SYT1: variants seen among roughly 807,000 people sequenced by gnomAD.
SYT1 encodes synaptotagmin-1.
SYT1 carries 8 observed loss-of-function variants against 44.8 expected under a neutral mutation model. The ratio of observed to expected loss-of-function variants is 0.18; its 90% confidence interval spans 0.10 to 0.32. The LOEUF is 0.32. Ranked by LOEUF, SYT1 falls within the 10% of genes least tolerant of loss-of-function variation. The probability of loss-of-function intolerance (pLI) is 1.00; values close to 1 mark genes in which losing one functional copy is unlikely to be tolerated. For synonymous variants in SYT1, 154 were observed against 188.8 expected (o/e 0.82, Z 1.51); for missense variants, 286 against 509.3 (o/e 0.56, Z 4.22).
At chr12:79,401,166 A>G (rs977825489) in intron 9 of SYT1, among the ~76,000 whole-genome samples, 1 of 152,206 alleles carries the variant, frequency 6.6e-6, no homozygotes, top group African/African-American at 2.4e-5. Context: ...AATACTGGTG[A>G]CAAAGTTGAA....
At chr12:79,096,579 G>A (rs999546714) in intron 3 of SYT1, among the ~76,000 whole-genome samples, 2 of 151,990 alleles carry the variant, frequency 1.3e-5, no homozygotes, top group South Asian at 4.1e-4. Context: ...GTTGAACCTT[G>A]AAGGATGAGA....
intron 3 of SYT1, among the ~76,000 whole-genome samples, chr12:79,120,093 CT>C (rs1049273206): frequency 2.7e-4 from 41 of 152,102 alleles, no homozygotes; most frequent in Admixed American, 1.3e-3. Context: ...TGTTCTGCTG[CT>C]TGTGGGCAAT....
chr12:79,019,195 G>A lies in SYT1; in HGVS notation c.-83-28102G>A, dbSNP rs140506509. On this transcript the variant is annotated intron_variant, in intron 2 of 10. Transcript: ENST00000261205. ...CTGACAATCTAATGGAGAGAGAGAA[G>A]TATTGTCAAATAAAGACAGTAAAAT... Among the ~76,000 whole-genome samples the A allele has an allele frequency of 6.0e-3, 906 of 152,086 alleles. 10 individuals are homozygous for A. The highest frequency in any genetic ancestry group is 0.045 in the South Asian group (216 of 4,820).
intron 3 of SYT1, among the ~76,000 whole-genome samples, chr12:79,206,630 C>A (rs946199050): frequency 1.1e-4 from 17 of 152,292 alleles, no homozygotes; most frequent in African/African-American, 4.1e-4. Flanking sequence ...GATGGGATCC[C>A]ACATCACTCA....
At chr12:79,404,516 G>A (rs1350777834) in intron 9 of SYT1, among the ~76,000 whole-genome samples, 3 of 152,092 alleles carry the variant, frequency 2.0e-5, no homozygotes, top group Admixed American at 2.0e-4. Flanking sequence ...AGTCTTGCTG[G>A]ATGGTCAGAT....
At chr12:79,416,467 A>G (rs961385437) in intron 9 of SYT1, among the ~76,000 whole-genome samples, 1 of 152,226 alleles carries the variant, frequency 6.6e-6, no homozygotes, top group African/African-American at 2.4e-5. Context: ...TTCTAAATAG[A>G]GTTTAGGTTT....
intron 3 of SYT1, among the ~76,000 whole-genome samples, chr12:79,160,335 A>T (rs1870871301): frequency 6.6e-6 from 1 of 152,142 alleles, no homozygotes; most frequent in Non-Finnish European, 1.5e-5. Context: ...TAGCTCAGAA[A>T]AGAAGATAGA....
intron 9 of SYT1, among the ~76,000 whole-genome samples, chr12:79,377,612 T>G (rs1389082865): frequency 6.6e-6 from 1 of 152,236 alleles, no homozygotes; most frequent in East Asian, 1.9e-4. Context: ...AGAGAATATA[T>G]CTGCATCCTG....
chr12:78,880,220 T>C (rs1485894534), intron 1 of SYT1, among the ~76,000 whole-genome samples: 1 of 151,706 alleles, frequency 6.6e-6, no homozygotes, highest in Non-Finnish European at 1.5e-5. Flanking sequence ...TAGTAATTAG[T>C]CATTACATTG....
chr12:78,970,952 C>G (rs1868359657), intron 1 of SYT1, among the ~76,000 whole-genome samples: 1 of 152,076 alleles, frequency 6.6e-6, no homozygotes, highest in Admixed American at 6.6e-5. Flanking sequence ...AGCTCAAGAC[C>G]AGCCTGGCCA....
chr12:78,883,709 A>C (rs1201049024), intron 1 of SYT1, among the ~76,000 whole-genome samples: 4 of 151,716 alleles, frequency 2.6e-5, no homozygotes, highest in Non-Finnish European at 4.4e-5. Context: ...TGAAACAGAT[A>C]ATCATTCTTG....
rs554139370 is a variant in SYT1, at chr12:79,081,375, C to T, written c.-18+34013C>T. On this transcript the variant is annotated intron_variant, in intron 3 of 10. Coordinates refer to ENST00000261205, the MANE Select transcript of SYT1 (RefSeq NM_005639.3). ...GAATCTGAGACACTGTTATGTCACA[C>T]AAATTCACTTTTTTTTTTTTTTTTG... 5.3e-5 allele frequency among the ~76,000 whole-genome samples: 8 copies of T among 150,602 alleles called. No individual in the cohort carries two copies. The South Asian group carries it at 1.5e-3, about 28-fold the overall frequency.
At chr12:79,245,663 T>C (rs1337584628) in intron 4 of SYT1, among the ~76,000 whole-genome samples, 1 of 152,102 alleles carries the variant, frequency 6.6e-6, no homozygotes. Flanking sequence ...CAAAGCAAGC[T>C]GTTCTGGGGA....
intron 3 of SYT1, among the ~76,000 whole-genome samples, chr12:79,165,147 T>C (rs1871158608): frequency 6.6e-6 from 1 of 152,016 alleles, no homozygotes; most frequent in African/African-American, 2.4e-5. Flanking sequence ...AAGTATCAGC[T>C]AAGCTCATTT....
At chr12:79,014,609 T>C (rs867174283) in intron 2 of SYT1, among the ~76,000 whole-genome samples, 1 of 152,226 alleles carries the variant, frequency 6.6e-6, no homozygotes, top group Middle Eastern at 3.4e-3. Context: ...TTTACACTGT[T>C]GGTGGGACTG....
chr12:79,434,085 A>G (rs1869950308), intron 9 of SYT1, among the ~76,000 whole-genome samples: 1 of 152,228 alleles, frequency 6.6e-6, no homozygotes, highest in African/African-American at 2.4e-5. Context: ...TTTTCATTTA[A>G]TTCATAATAA....
At chr12:79,221,491 A>G (rs894341131) in intron 4 of SYT1, among the ~76,000 whole-genome samples, 1 of 152,018 alleles carries the variant, frequency 6.6e-6, no homozygotes, top group Non-Finnish European at 1.5e-5. Flanking sequence ...CTTTTCTCCC[A>G]TGCTGTCTTC....
At chr12:79,384,064 C>T (rs7308297) in intron 9 of SYT1, among the ~76,000 whole-genome samples, 84,875 of 151,936 alleles carry the variant, frequency 0.56, 26,409 homozygotes, top group Non-Finnish European at 0.7. Flanking sequence ...GAGGTGATCA[C>T]GTTAATCTGG....
intron 8 of SYT1, among the ~76,000 whole-genome samples, chr12:79,348,963 GAAAGAA>G (rs1376844667): frequency 7.2e-6 from 1 of 138,572 alleles, no homozygotes; most frequent in Non-Finnish European, 1.6e-5. Flanking sequence ...AAAAAGAAAA[GAAAGAA>G]AAAGAAAGAG....
Sources: allele counts gnomAD v4.1 joint callset (sites outside exome capture counted in the v4.1 genomes callset), GRCh38; gene constraint gnomAD v4.1.1; transcripts MANE v1.5; gene names NCBI Gene and HGNC (gene_info 2026-07-23, HGNC 2026-07-21).